TBC1D22A: variants seen among roughly 807,000 people sequenced by gnomAD.
TBC1D22A encodes TBC1 domain family member 22A.
Under a neutral mutation model 60.2 loss-of-function variants are expected in TBC1D22A, and 38 were observed. The ratio of observed to expected loss-of-function variants is 0.63; its 90% CI spans 0.49 to 0.83. The LOEUF is 0.83. Ranked by LOEUF, TBC1D22A falls within the 40% of genes least tolerant of loss-of-function variation. The pLI is 0.00. For missense variants in TBC1D22A, 628 were observed against 701.0 expected (o/e 0.90, Z 1.18); for synonymous variants, 302 against 281.7 (o/e 1.07, Z -0.72).
chr22:46,964,909 C>T (rs1368536102), intron 8 of TBC1D22A, among the ~76,000 whole-genome samples: 1 of 152,234 alleles, frequency 6.6e-6, no homozygotes, highest in Non-Finnish European at 1.5e-5. Context: ...CCACGCTGGG[C>T]ACTGGTGAGC....
chr22:47,058,482 T>C (rs2063468718), intron 11 of TBC1D22A, among the ~76,000 whole-genome samples: 1 of 152,034 alleles, frequency 6.6e-6, no homozygotes, highest in Non-Finnish European at 1.5e-5. Context: ...GACCACCCAG[T>C]CTAGTCCAGC....
intron 8 of TBC1D22A, among the ~76,000 whole-genome samples, chr22:46,945,235 T>C (rs752962271): frequency 2.0e-5 from 3 of 152,222 alleles, no homozygotes; most frequent in Non-Finnish European, 2.9e-5. Flanking sequence ...TTAGGCAGTT[T>C]AAATTTCGGG....
intron 9 of TBC1D22A, among the ~76,000 whole-genome samples, chr22:46,987,468 T>C (rs1199711328): frequency 6.6e-6 from 1 of 152,194 alleles, no homozygotes; most frequent in Admixed American, 6.5e-5. Context: ...TTTTTATAGG[T>C]ATACCTTGGA....
At chr22:47,112,421 G>A (rs997404832) in intron 12 of TBC1D22A, among the ~76,000 whole-genome samples, 15 of 152,196 alleles carry the variant, frequency 9.9e-5, no homozygotes, top group South Asian at 8.3e-4. Context: ...CGAGGCTCTC[G>A]TCTCTCAGAT....
rs145971620 is a variant in TBC1D22A, at chr22:46,821,800, A to G, written c.637+24180A>G. Reference sequence around the variant, plus strand: ...TTGGCCCGTCTTGCTAGGTTGGGGAAGTTCTCCTGGGTAAATATCCTGAAG... The same window carrying G: ...TTGGCCCGTCTTGCTAGGTTGGGGAGGTTCTCCTGGGTAAATATCCTGAAG... On this transcript the variant is annotated intron_variant, in intron 4 of 12. Coordinates refer to ENST00000337137, the MANE Select transcript of TBC1D22A (RefSeq NM_014346.5). Among the ~76,000 whole-genome samples, 97 of 152,198 alleles carry G rather than the reference A, an allele frequency of 6.4e-4. No individual in the cohort carries two copies. The East Asian group carries it at 0.011, about 17-fold the overall frequency.
chr22:47,137,551 C>T (rs1214825605), intron 12 of TBC1D22A, among the ~76,000 whole-genome samples: 1 of 152,168 alleles, frequency 6.6e-6, no homozygotes, highest in Non-Finnish European at 1.5e-5. Context: ...ATACCTCTGC[C>T]CAAAGCCCCA....
chr22:47,170,424 C>T (rs2068386626), intron 12 of TBC1D22A, among the ~76,000 whole-genome samples: 1 of 152,220 alleles, frequency 6.6e-6, no homozygotes, highest in Non-Finnish European at 1.5e-5. Context: ...ATGTAAGTTG[C>T]ATCTAATGGT....
At chr22:46,901,712 G>T (rs982504116) in intron 7 of TBC1D22A, among the ~76,000 whole-genome samples, 1 of 152,150 alleles carries the variant, frequency 6.6e-6, no homozygotes, top group Non-Finnish European at 1.5e-5. Flanking sequence ...CTCACATGGG[G>T]GGGGGATGTT....
intron 7 of TBC1D22A, 54 bp downstream of exon 7, chr22:46,894,900 CTG>C: frequency 6.3e-7 from 1 of 1,594,886 alleles, no homozygotes; most frequent in Non-Finnish European, 8.6e-7. Context: ...CTGATGCCCA[CTG>C]TGCTAACCAG....
intron 11 of TBC1D22A, among the ~76,000 whole-genome samples, chr22:47,105,760 C>A (rs186730219): frequency 6.6e-6 from 1 of 152,124 alleles, no homozygotes; most frequent in South Asian, 2.1e-4. Context: ...TTCCCACCCC[C>A]CCACTCCCCA....
intron 10 of TBC1D22A, among the ~76,000 whole-genome samples, chr22:47,010,170 T>G (rs571419349): frequency 1.1e-4 from 17 of 152,222 alleles, no homozygotes; most frequent in Non-Finnish European, 2.4e-4. Context: ...AAGGTTAAAA[T>G]TGACTTATTC....
At chr22:46,852,795 C>T (rs2087351657) in intron 4 of TBC1D22A, among the ~76,000 whole-genome samples, 2 of 152,216 alleles carry the variant, frequency 1.3e-5, no homozygotes, top group South Asian at 4.1e-4. Context: ...TTCCTGGCTG[C>T]ATCGCGAGCT....
chr22:46,938,190 C>T (rs1602561123), intron 8 of TBC1D22A, among the ~76,000 whole-genome samples: 1 of 152,306 alleles, frequency 6.6e-6, no homozygotes, highest in Middle Eastern at 3.4e-3. Flanking sequence ...ATGGTAAATG[C>T]CTTAGACAGG....
At chr22:46,934,785 GT>G (rs1034358714) in intron 8 of TBC1D22A, among the ~76,000 whole-genome samples, 16 of 149,738 alleles carry the variant, frequency 1.1e-4, no homozygotes, top group African/African-American at 4.1e-4. Flanking sequence ...GAGTGTTGGT[GT>G]TACGCTGCTG....
At chr22:47,037,403 G>C (rs1351345479) in intron 11 of TBC1D22A, among the ~76,000 whole-genome samples, 1 of 152,152 alleles carries the variant, frequency 6.6e-6, no homozygotes, top group Non-Finnish European at 1.5e-5. Flanking sequence ...GCCAAGGTGG[G>C]TGGATTGCCT....
chr22:47,081,243 A>G (rs2064455321), intron 11 of TBC1D22A, among the ~76,000 whole-genome samples: 1 of 152,192 alleles, frequency 6.6e-6, no homozygotes, highest in Admixed American at 6.5e-5. Flanking sequence ...AATAAAGGGG[A>G]AAACCATATG....
intron 11 of TBC1D22A, among the ~76,000 whole-genome samples, chr22:47,101,440 C>T (rs756861590): frequency 1.3e-5 from 2 of 152,228 alleles, no homozygotes; most frequent in Non-Finnish European, 2.9e-5. Context: ...CCAGCTTCTC[C>T]GTCTCTCTAG....
chr22:47,081,046 G>A (rs1273832994), intron 11 of TBC1D22A, among the ~76,000 whole-genome samples: 1 of 151,696 alleles, frequency 6.6e-6, no homozygotes, highest in Non-Finnish European at 1.5e-5. Flanking sequence ...CTTGAACCTG[G>A]GAGGCGAAGG....
At chr22:47,037,986 A>G (rs368247258) in intron 11 of TBC1D22A, among the ~76,000 whole-genome samples, 63 of 152,222 alleles carry the variant, frequency 4.1e-4, no homozygotes, top group Middle Eastern at 6.3e-3. Flanking sequence ...ATGAAATTCA[A>G]TTCTTCAGGA....
Sources: gnomAD v4.1 joint callset for allele counts (sites outside exome capture counted in the v4.1 genomes callset) on GRCh38, gnomAD v4.1.1 for gene constraint, MANE v1.5 for transcripts, NCBI Gene and HGNC (gene_info 2026-07-23, HGNC 2026-07-21) for gene names.